PRKCA: variants seen among roughly 807,000 people sequenced by gnomAD.
PRKCA encodes the protein protein kinase C alpha type.
A neutral mutation model predicts 87.0 loss-of-function variants in PRKCA; 27 were observed. The observed-to-expected ratio is 0.31, with a 90% CI of 0.23 to 0.43. PRKCA has a LOEUF of 0.43. Ranked by LOEUF, PRKCA falls within the 20% of genes least tolerant of loss-of-function variation. The pLI, the probability that PRKCA is intolerant of heterozygous loss-of-function variation, is 1.00. For missense variants in PRKCA, 518 were observed against 852.3 expected (o/e 0.61, Z 4.88); for synonymous variants, 329 against 311.1 (o/e 1.06, Z -0.61).
Position 66,533,480 on chromosome 17 carries a change from G to A in PRKCA, c.288+37197G>A, listed in dbSNP as rs888490345. Among the ~76,000 whole-genome samples the A allele has an allele frequency of 2.4e-4, 36 of 152,156 alleles. 1 individual carries two copies. The highest frequency in any genetic ancestry group is 7.7e-4 in the African/African-American group (32 of 41,428). ...AAGGGCATGTGTCTTGAAACAAGTCGCACCCAAGGCTGCTAGCCTGTGTAT... is the reference window on the plus strand; with the variant it reads ...AAGGGCATGTGTCTTGAAACAAGTCACACCCAAGGCTGCTAGCCTGTGTAT... On this transcript the variant is annotated intron_variant, in intron 3 of 16. Coordinates refer to ENST00000413366, the MANE Select transcript of PRKCA (RefSeq NM_002737.3).
rs140466753 is a variant in PRKCA at position 66,803,913 on chromosome 17, G to A, written c.1895G>A (p.Arg632Gln). Residue 632 changes from arginine to glutamine, a missense_variant, in exon 17 of 17, where the codon CGA becomes CAA. Transcript: ENST00000413366. This position sits in a 1 kb window ranked among gnomAD's most constrained non-coding sequence, Gnocchi z 4.4. ...GAENFDKFFT[R>Q]GQPVLTPPDQ... ...GAGAACTTTGACAAGTTCTTCACAC[G>A]AGGACAGCCCGTCTTAACACCACCT... The A allele has an allele frequency of 1.9e-6, 3 of 1,613,888 alleles. No homozygotes were observed. The highest frequency in any genetic ancestry group is 1.3e-5 in the African/African-American group (1 of 75,008).
At chr17:66,716,222 A>G (rs1429411389) in intron 8 of PRKCA, among the ~76,000 whole-genome samples, 2 of 151,544 alleles carry the variant, frequency 1.3e-5, no homozygotes, top group African/African-American at 2.4e-5. Flanking sequence ...AAAACTATTT[A>G]CTTTGATGAT....
intron 2 of PRKCA, among the ~76,000 whole-genome samples, chr17:66,376,435 C>G (rs1016923387): frequency 6.6e-6 from 1 of 152,128 alleles, no homozygotes; most frequent in Non-Finnish European, 1.5e-5. Context: ...TGGTAAAACC[C>G]CATCTCTTCT....
intron 2 of PRKCA, among the ~76,000 whole-genome samples, chr17:66,388,663 A>G (rs545600626): frequency 2.0e-5 from 3 of 152,308 alleles, no homozygotes; most frequent in Admixed American, 6.5e-5. Flanking sequence ...TCTCCACACC[A>G]TAAGTATACA....
chr17:66,592,970 T>C (rs988701295), intron 3 of PRKCA, among the ~76,000 whole-genome samples: 8 of 152,122 alleles, frequency 5.3e-5, no homozygotes, highest in African/African-American at 1.9e-4. Context: ...TTTTGTATTT[T>C]TAGTAGAGAC....
chr17:66,398,648 G>A (rs1910825700), intron 2 of PRKCA, among the ~76,000 whole-genome samples: 1 of 152,140 alleles, frequency 6.6e-6, no homozygotes, highest in Non-Finnish European at 1.5e-5. Context: ...GTCCCCATTT[G>A]GAGAGTGTTA....
At chr17:66,406,585 G>GTTTTTTGTTTTTTTTTTTT (rs1911400605) in intron 2 of PRKCA, among the ~76,000 whole-genome samples, 1 of 70,180 alleles carries the variant, frequency 1.4e-5, no homozygotes, top group Non-Finnish European at 2.7e-5. Context: ...GCTTTTCCAG[G>GTTTTTTGTTTTTTTTTTTT]TTTTTTTTTT....
chr17:66,451,343 AATTT>A (rs60875203), intron 2 of PRKCA, among the ~76,000 whole-genome samples: 10,140 of 144,852 alleles, frequency 0.07, 461 homozygotes, highest in Admixed American at 0.15. Flanking sequence ...ACGGAGTTAG[AATTT>A]ATTTATTTAT....
chr17:66,417,854 T>C (rs1055815069), intron 2 of PRKCA, among the ~76,000 whole-genome samples: 1 of 152,156 alleles, frequency 6.6e-6, no homozygotes, highest in Non-Finnish European at 1.5e-5. Flanking sequence ...CATTCTTTGG[T>C]TCACAGTCCC....
chr17:66,467,977 T>C (rs906968486), intron 2 of PRKCA, among the ~76,000 whole-genome samples: 1 of 152,224 alleles, frequency 6.6e-6, no homozygotes, highest in African/African-American at 2.4e-5. Context: ...ATAGTTCCAC[T>C]TTCCTCGTGT....
intron 3 of PRKCA, among the ~76,000 whole-genome samples, chr17:66,631,754 C>A (rs1192481045): frequency 3.3e-5 from 5 of 152,176 alleles, no homozygotes; most frequent in Admixed American, 2.0e-4. Flanking sequence ...ATACTCCATT[C>A]TCCATGATGT....
In PRKCA at chr17:66,784,857, CT is replaced by C. The variant is rs1975338870; in HGVS notation, c.1606-2009del. ...GGTGGCCGTCGGCAGCCTGCACCCCCTGGTGGGTGCCCCCCCAAGCTGCCCT... is the reference window on the plus strand; with the variant it reads ...GGTGGCCGTCGGCAGCCTGCACCCCCGGTGGGTGCCCCCCCAAGCTGCCCT... On this transcript the variant is annotated intron_variant, in intron 14 of 16. Transcript: ENST00000413366. 1.3e-5 allele frequency among the ~76,000 whole-genome samples: 2 copies of C among 152,300 alleles called. 1 individual carries two copies. Among genetic ancestry groups the C allele is most frequent in the African/African-American group, 4.8e-5 (2 of 41,568 alleles).
Position 66,578,145 on chromosome 17 carries a change from C to CA in PRKCA, c.289-63206dup, listed in dbSNP as rs1567910010. On this transcript the variant is annotated intron_variant, in intron 3 of 16. Transcript: ENST00000413366. ...ACGAGAGACTGAATTTAAAACAAAA[C>CA]AAAACAAAACAAAACAGCCCTCATT... Among the ~76,000 whole-genome samples, 13 of 137,922 alleles carry CA rather than the reference C, an allele frequency of 9.4e-5. 1 individual carries two copies. Among genetic ancestry groups the CA allele is most frequent in the African/African-American group, 3.3e-4 (13 of 39,116 alleles). 90.5% of individuals were successfully genotyped at this position (137,922 alleles called of 152,430 possible).
chr17:66,420,865 G>A (rs917586076), intron 2 of PRKCA, among the ~76,000 whole-genome samples: 18 of 152,174 alleles, frequency 1.2e-4, no homozygotes, highest in African/African-American at 4.3e-4. Context: ...CAGTGATGTC[G>A]TTGTCCCCTG....
chr17:66,716,537 A>C (rs1376068257), intron 8 of PRKCA, among the ~76,000 whole-genome samples: 1 of 152,218 alleles, frequency 6.6e-6, no homozygotes, highest in East Asian at 1.9e-4. Flanking sequence ...AGATTTAGCA[A>C]TTGGGGAGAA....
At chr17:66,626,281 A>G (rs1047993980) in intron 3 of PRKCA, among the ~76,000 whole-genome samples, 3 of 148,948 alleles carry the variant, frequency 2.0e-5, no homozygotes, top group African/African-American at 7.5e-5. Context: ...TCTGCCTCCC[A>G]GGCTCAAGCA....
At chr17:66,695,326 C>A (rs926269724) in intron 8 of PRKCA, among the ~76,000 whole-genome samples, 2 of 152,206 alleles carry the variant, frequency 1.3e-5, no homozygotes. Context: ...TCAGATTTCA[C>A]AAAACGAAAC....
intron 3 of PRKCA, among the ~76,000 whole-genome samples, chr17:66,558,844 C>G (rs1287739890): frequency 6.6e-6 from 1 of 152,136 alleles, no homozygotes; most frequent in Non-Finnish European, 1.5e-5. Context: ...GAGGTTCGGC[C>G]ATGGACCTGA....
chr17:66,349,702 A>G (rs999086855), intron 2 of PRKCA, among the ~76,000 whole-genome samples: 11 of 152,136 alleles, frequency 7.2e-5, no homozygotes, highest in African/African-American at 2.4e-4. Flanking sequence ...CTGACTGCGC[A>G]CAAACACAAA....
Sources: gnomAD v4.1 joint callset for allele counts (sites outside exome capture counted in the v4.1 genomes callset) on GRCh38, gnomAD v4.1.1 for gene constraint, Gnocchi (gnomAD v3.1) non-coding constraint, MANE v1.5 for transcripts, NCBI Gene and HGNC (gene_info 2026-07-23, HGNC 2026-07-21) for gene names.